The following CRTC2 variants were observed in gnomAD, a reference collection of about 807,000 sequenced individuals.
CRTC2 encodes CREB-regulated transcription coactivator 2.
CRTC2 carries 25 observed loss-of-function variants against 70.9 expected under a neutral mutation model. The ratio of observed to expected loss-of-function variants is 0.35; its 90% CI spans 0.26 to 0.49. The LOEUF (loss-of-function observed/expected upper bound fraction) is 0.49, where lower values mean the gene tolerates loss of function less well. Among genes scored for constraint, CRTC2 ranks in the 20% least tolerant of loss-of-function variants. The pLI is 0.98. For missense variants in CRTC2, 737 were observed against 882.6 expected, an observed-to-expected ratio of 0.83 and a Z score of 2.09; for synonymous variants, 330 against 364.1, an observed-to-expected ratio of 0.91 and a Z score of 1.07.
rs1571088465 is a variant in CRTC2 at position 153,958,607 on chromosome 1, G to A, written c.-110C>T. On this transcript the variant is annotated 5_prime_UTR_variant, in exon 1 of 14. Transcript: ENST00000368633. The stretch of plus-strand genomic sequence containing the variant: ...CCACCGCCGCCTCAGCGAGCACCGC[G>A]AACCCGGCCCCAGCCTAGCCCTGAC... The A allele has an allele frequency of 4.3e-6, 5 of 1,166,298 alleles. No homozygotes were observed. The highest frequency in any genetic ancestry group is 1.6e-5 in the South Asian group (1 of 63,468). The allele number at this position is 1,166,298 out of a possible 1,614,324, so 72.2% of individuals were successfully genotyped here. A position where few individuals can be genotyped will look rare whatever the true frequency, so the allele number is the denominator to read the frequency against.
At chr1:153,953,704 A>G in intron 4 of CRTC2, 98 bp from the exon 5 acceptor site, 1 of 738,890 alleles carries the variant, frequency 1.4e-6, no homozygotes, top group South Asian at 1.8e-5. Context: ...GGTGGAAGTA[A>G]AGATGGCTGA....
chr1:153,958,545 C>T lies in CRTC2; in HGVS notation c.-48G>A. 1.3e-6 allele frequency: 2 copies of T among 1,516,668 alleles called. No homozygotes were observed. Among genetic ancestry groups the T allele is most frequent in the Non-Finnish European group, 1.8e-6 (2 of 1,128,218 alleles). 94.0% of individuals were successfully genotyped at this position (1,516,668 alleles called of 1,614,324 possible). ...CCACCCTCCCAGTACCAGCCGCGGC[C>T]TCCGCCGCGGCCTCGGCCCGGCTCC... is the stretch of plus-strand genomic sequence containing the variant. On this transcript the variant is annotated 5_prime_UTR_variant, in exon 1 of 14. Transcript: ENST00000368633.
chr1:153,952,705 C>G, intron 7 of CRTC2, 70 bp from the exon 8 acceptor site: 1 of 1,607,732 alleles, frequency 6.2e-7, no homozygotes, highest in East Asian at 2.2e-5. Flanking sequence ...GAAGCAGAAG[C>G]AGGTGGGAAG....
Position 153,947,794 on chromosome 1 carries a change from C to A in CRTC2, c.*315G>T. 1 of 407,068 alleles carries A rather than the reference C, an allele frequency of 2.5e-6. No individual in the cohort carries two copies. The highest frequency in any genetic ancestry group is 3.8e-5 in the Admixed American group (1 of 26,424). The allele number at this position is 407,068 out of a possible 1,614,324, so 25.2% of individuals were successfully genotyped here. A position where few individuals can be genotyped will look rare whatever the true frequency, so the allele number is the denominator to read the frequency against. On this transcript the variant is annotated 3_prime_UTR_variant, in exon 14 of 14. Coordinates refer to ENST00000368633, the MANE Select transcript of CRTC2 (RefSeq NM_181715.3). Reference sequence around the variant, plus strand: ...GAGGAGGGGCTGGCACTGCCCACCCCTAGGCATCCGGAAAAGCCCTGCTTC... The same window carrying A: ...GAGGAGGGGCTGGCACTGCCCACCCATAGGCATCCGGAAAAGCCCTGCTTC...
In CRTC2 at chr1:153,951,462, G is replaced by T; in HGVS notation, c.1202C>A (p.Ser401Tyr). 2.5e-6 allele frequency: 4 copies of T among 1,597,988 alleles called. No individual in the cohort carries two copies. Among genetic ancestry groups the T allele is most frequent in the Non-Finnish European group, 3.4e-6 (4 of 1,171,472 alleles). The change falls in exon 11 of 14, where the codon TCT becomes TAT. Residue 401 changes from serine to tyrosine, a missense_variant. Transcript: ENST00000368633. Reference sequence around the variant, plus strand: ...AGGAGATGAAGTGGAGGAGGAGGAAGAGGAGGAGGAGAGAGCCGGAGCACT... The same window carrying T: ...AGGAGATGAAGTGGAGGAGGAGGAATAGGAGGAGGAGAGAGCCGGAGCACT... ...SLSAPALSSSSSSSSTSSPVL... is the reference protein window; with the variant it reads ...SLSAPALSSSYSSSSTSSPVL...
chr1:153,949,344 C>G lies in CRTC2; in HGVS notation c.1445G>C (p.Arg482Pro). The change falls in exon 12 of 14, where the codon CGG becomes CCG. Residue 482 changes from arginine to proline, a missense_variant. Around this residue, in one of 3 missense-constraint regions of CRTC2, gnomAD observed 699 missense variants for 823.7 expected, o/e 0.85. Transcript: ENST00000368633. ...LDTSKLSTDQ[R>P]LPPYPYSSPS... ...GGAGCTGTATGGGTATGGGGGTAAC[C>G]GCTGGTCAGTGGACAGTTTACTGGT... The G allele has an allele frequency of 1.2e-6, 2 of 1,613,414 alleles. No individual in the cohort carries two copies. Among genetic ancestry groups the G allele is most frequent in the Non-Finnish European group, 1.7e-6 (2 of 1,179,838 alleles).
At chr1:153,952,298 G>A (rs1354071264) in intron 9 of CRTC2, 36 bp from the exon 10 acceptor site, 6 of 1,597,804 alleles carry the variant, frequency 3.8e-6, no homozygotes, top group Non-Finnish European at 4.3e-6. Context: ...ATGTAAATAG[G>A]AGGGTGGGTG....
chr1:153,958,170 G>A (rs1571087005), intron 1 of CRTC2, 175 bp downstream of exon 1: 8 of 1,419,618 alleles, frequency 5.6e-6, no homozygotes, highest in Admixed American at 2.9e-5. Flanking sequence ...GGTCTCCCCC[G>A]GCAAAATCCT....
In CRTC2 at chr1:153,952,156, G is replaced by C; in HGVS notation, c.859C>G (p.Leu287Val). 6.2e-7 allele frequency: 1 copy of C among 1,614,114 alleles called. No individual in the cohort carries two copies. Among genetic ancestry groups the C allele is most frequent in the Non-Finnish European group, 8.5e-7 (1 of 1,179,988 alleles). The change falls in exon 10 of 14, where the codon CTG (leucine) becomes GTG (valine). Residue 287 changes from leucine (L) to valine (V), a missense_variant. Leu to Val is a conservative substitution (Grantham distance 32). Coordinates refer to ENST00000368633, the MANE Select transcript of CRTC2 (RefSeq NM_181715.3). ...DLTNLHFPPP[L>V]PTPLDPEETA... is the part of the protein sequence containing the mutation. ...TCTTCAGGGTCCAGGGGGGTGGGCAGTGGTGGGGGAAAGTGCAGGTTGGTG... is the reference window on the plus strand; with the variant it reads ...TCTTCAGGGTCCAGGGGGGTGGGCACTGGTGGGGGAAAGTGCAGGTTGGTG...
intron 1 of CRTC2, 63 bp from the exon 2 acceptor site, chr1:153,955,229 C>T (rs1368258398): frequency 2.9e-5 from 36 of 1,248,366 alleles, no homozygotes; most frequent in Non-Finnish European, 1.2e-6. Flanking sequence ...CTTCAGCCAT[C>T]CTTGCCATCT....
At chr1:153,948,792 C>A in intron 12 of CRTC2, 148 bp from the exon 13 acceptor site, 2 of 920,222 alleles carry the variant, frequency 2.2e-6, no homozygotes, top group Non-Finnish European at 3.4e-6. Flanking sequence ...AGCAGAGCGA[C>A]AGAAGCGAGC....
At chr1:153,952,658 T>A (rs1378662931) in intron 7 of CRTC2, 23 bp from the exon 8 acceptor site, 6 of 1,613,796 alleles carry the variant, frequency 3.7e-6, no homozygotes, top group African/African-American at 1.3e-5. Context: ...AGACTGGTGA[T>A]GGGAGAGTTG....
rs765463923 is a variant in CRTC2, at chr1:153,949,121, C to T, written c.1668G>A (p.Leu556=). 6.2e-7 allele frequency: 1 copy of T among 1,606,362 alleles called. No individual in the cohort carries two copies. Among genetic ancestry groups the T allele is most frequent in the Admixed American group, 1.7e-5 (1 of 59,376 alleles). The change falls in exon 12 of 14, where the codon CTG becomes CTA. Residue 556 remains leucine (L), a synonymous_variant. Coordinates refer to ENST00000368633, the MANE Select transcript of CRTC2 (RefSeq NM_181715.3). ...AAGGAGCCTGAGTACTCACATTCCC[C>T]AGGTTGAAGTCACTCATTGGCCGGT... The part of the protein sequence containing the change: ...SYHRPMSDFN[L]GNLEQFSMES...
Position 153,952,632 on chromosome 1 carries a change from G to A in CRTC2, c.641C>T (p.Pro214Leu). 2.5e-6 allele frequency: 4 copies of A among 1,614,172 alleles called. No homozygotes were observed. The highest frequency in any genetic ancestry group is 3.4e-6 in the Non-Finnish European group (4 of 1,180,006). Residue 214 changes from proline to leucine, a missense_variant, in exon 8 of 14, where the codon CCT becomes CTT. Physicochemically the swap from Pro to Leu is moderately conservative, Grantham distance 98. Coordinates refer to ENST00000368633, the MANE Select transcript of CRTC2 (RefSeq NM_181715.3). ...ATCTAGCAAGTTCTCCTCAATAGCA[G>A]GTACTTGAAAGAGAAAGACTGGTGA... is the stretch of plus-strand genomic sequence containing the variant. The part of the protein sequence containing the change: ...ILDGEMDPKV[P>L]AIEENLLDDK...
intron 10 of CRTC2, 167 bp downstream of exon 10, chr1:153,951,851 C>G (rs1004909248): frequency 1.8e-6 from 2 of 1,101,854 alleles, no homozygotes; most frequent in Non-Finnish European, 2.6e-6. Flanking sequence ...AAACACCACA[C>G]CTACCAGTTA....
intron 5 of CRTC2, 60 bp downstream of exon 5, chr1:153,953,478 G>T: frequency 6.4e-7 from 1 of 1,555,906 alleles, no homozygotes; most frequent in South Asian, 1.1e-5. Context: ...GGGGGTGAGG[G>T]AGCAGGGCCC....
rs1335652576 is a variant in CRTC2, at chr1:153,948,105, G to A, written c.*4C>T. On this transcript the variant is annotated 3_prime_UTR_variant, in exon 14 of 14. Transcript: ENST00000368633. ...CCAAGAAGAGGGATGGTGATGAGGT[G>A]CCCTCATTGGAGCCGGTCACTGCGG... is the stretch of plus-strand genomic sequence containing the variant. The A allele has an allele frequency of 2.5e-6, 4 of 1,612,454 alleles. No homozygotes were observed. The highest frequency in any genetic ancestry group is 2.5e-6 in the Non-Finnish European group (3 of 1,178,644).
chr1:153,954,215 A>T, intron 4 of CRTC2, 40 bp downstream of exon 4: 1 of 1,522,018 alleles, frequency 6.6e-7, no homozygotes, highest in Non-Finnish European at 9.1e-7. Flanking sequence ...GAAACACGTC[A>T]GAGAGTAGGC....
At chr1:153,952,739 C>T in intron 7 of CRTC2, 66 bp downstream of exon 7, 1 of 1,610,536 alleles carries the variant, frequency 6.2e-7, no homozygotes, top group South Asian at 1.1e-5. Flanking sequence ...TGAACCTGCA[C>T]ACAATCCCAA....
Sources: gnomAD v4.1 joint callset for allele counts on GRCh38, gnomAD v4.1.1 for gene constraint, gnomAD v4.1.1 regional missense constraint, MANE v1.5 for transcripts, NCBI Gene and HGNC (gene_info 2026-07-23, HGNC 2026-07-21) for gene names.